The following SPACA1 variants were observed in gnomAD, a reference collection of about 807,000 sequenced individuals.
SPACA1 encodes sperm acrosome associated 1.
Under a neutral mutation model 32.6 loss-of-function variants are expected in SPACA1, and 17 were observed. The ratio of observed to expected loss-of-function variants is 0.52; its 90% CI spans 0.36 to 0.78. SPACA1 has a LOEUF of 0.78. SPACA1 is among the 30% of genes least tolerant of loss of function. The pLI, the probability that SPACA1 is intolerant of heterozygous loss-of-function variation, is 0.01. For synonymous variants in SPACA1, 140 were observed against 138.1 expected (o/e 1.01, Z -0.10); for missense variants, 363 against 373.4 (o/e 0.97, Z 0.23).
At chr6:88,051,193 A>G (rs1458644355) in intron 1 of SPACA1, among the ~76,000 whole-genome samples, 1 of 152,096 alleles carries the variant, frequency 6.6e-6, no homozygotes, top group Non-Finnish European at 1.5e-5. Flanking sequence ...CTTTTGTTAT[A>G]CCTTGTATAC....
At chr6:88,050,375 AATC>A (rs1274565685) in intron 1 of SPACA1, among the ~76,000 whole-genome samples, 1 of 152,240 alleles carries the variant, frequency 6.6e-6, no homozygotes, top group Non-Finnish European at 1.5e-5. Flanking sequence ...CATCCAAGAT[AATC>A]ATCATCTCTC....
intron 6 of SPACA1, 98 bp downstream of exon 6, chr6:88,064,317 T>G: frequency 2.4e-6 from 3 of 1,267,840 alleles, no homozygotes; most frequent in Non-Finnish European, 2.1e-6. Flanking sequence ...TGATGTCTCC[T>G]ACATGTTGCC....
Position 88,053,944 on chromosome 6 carries a change from A to T in SPACA1, c.209-2A>T. 6.2e-7 allele frequency: 1 copy of T among 1,612,530 alleles called. No homozygotes were observed. Among genetic ancestry groups the T allele is most frequent in the Non-Finnish European group, 8.5e-7 (1 of 1,178,912 alleles). ...TAATGTATCTTTACCCTTTATGTTT[A>T]GTTTCAAATAGGAATGTCGTCAAAG... is the stretch of plus-strand genomic sequence containing the variant. On this transcript the variant is annotated splice_acceptor_variant, in intron 1 of 6. Coordinates refer to ENST00000237201, the MANE Select transcript of SPACA1 (RefSeq NM_030960.3). LOFTEE classifies it high-confidence loss of function.
intron 2 of SPACA1, among the ~76,000 whole-genome samples, chr6:88,056,362 A>AT (rs1198992901): frequency 6.6e-6 from 1 of 151,690 alleles, no homozygotes; most frequent in Non-Finnish European, 1.5e-5. Flanking sequence ...TCAAAAAAAA[A>AT]CTTTGATAAA....
At chr6:88,065,673 A>G (rs1775972078) in intron 6 of SPACA1, among the ~76,000 whole-genome samples, 1 of 151,152 alleles carries the variant, frequency 6.6e-6, no homozygotes, top group African/African-American at 2.4e-5. Flanking sequence ...TTTCCAAAAG[A>G]ATTATTTTTT....
chr6:88,062,838 A>G (rs1013458845), intron 5 of SPACA1, among the ~76,000 whole-genome samples: 2 of 152,198 alleles, frequency 1.3e-5, no homozygotes, highest in African/African-American at 4.8e-5. Context: ...AATGAGCTTC[A>G]ATTCCTTTCT....
At chr6:88,056,787 C>G (rs73494271) in intron 2 of SPACA1, among the ~76,000 whole-genome samples, 59 of 152,220 alleles carry the variant, frequency 3.9e-4, no homozygotes, top group African/African-American at 1.4e-3. Flanking sequence ...TAGCTAATCC[C>G]ATGTTTTGTT....
rs767321835 is a variant in SPACA1 at position 88,048,107 on chromosome 6, G to C, written c.202G>C (p.Glu68Gln). ...GGAGAACTACGCTCCGCCTGAAACC[G>C]AGGATGGTGAGGGCGGGAGCTCCCT... ...TAENYAPPETEDVSNRNVVKE... is the reference protein window; with the variant it reads ...TAENYAPPETQDVSNRNVVKE... The change falls in exon 1 of 7, where the codon GAG becomes CAG. Residue 68 changes from glutamate to glutamine, a missense_variant. Physicochemically the swap from Glu to Gln is conservative, Grantham distance 29 (BLOSUM62 2). Coordinates refer to ENST00000237201, the MANE Select transcript of SPACA1 (RefSeq NM_030960.3). The C allele has an allele frequency of 6.3e-7, 1 of 1,587,840 alleles. No individual in the cohort carries two copies. The highest frequency in any genetic ancestry group is 1.2e-5 in the South Asian group (1 of 86,612).
upstream of SPACA1, among the ~76,000 whole-genome samples, chr6:88,047,525 G>A (rs1467295007): frequency 2.0e-5 from 3 of 152,224 alleles, no homozygotes; most frequent in Non-Finnish European, 4.4e-5. Flanking sequence ...CAGGCAGGGT[G>A]AGCGAGGAGG....
At chr6:88,061,158 T>C (rs1775891387) in intron 5 of SPACA1, among the ~76,000 whole-genome samples, 1 of 152,312 alleles carries the variant, frequency 6.6e-6, no homozygotes, top group South Asian at 2.1e-4. Context: ...AAATATGTAA[T>C]TGAGATATTT....
chr6:88,066,422 A>C lies in SPACA1; in HGVS notation c.*87A>C. Reference sequence around the variant, plus strand: ...AATAAAATACACATTGAAATACTTTAATAATGTTGCGATGGATTGCCACAG... The same window carrying C: ...AATAAAATACACATTGAAATACTTTCATAATGTTGCGATGGATTGCCACAG... On this transcript the variant is annotated 3_prime_UTR_variant, in exon 7 of 7. Transcript: ENST00000237201. 3 of 1,290,036 alleles carry C rather than the reference A, an allele frequency of 2.3e-6. No homozygotes were observed. Among genetic ancestry groups the C allele is most frequent in the Non-Finnish European group, 3.1e-6 (3 of 965,470 alleles). The allele number at this position is 1,290,036 out of a possible 1,614,324, so 79.9% of individuals were successfully genotyped here.
chr6:88,049,202 T>C (rs1194244911), intron 1 of SPACA1, among the ~76,000 whole-genome samples: 1 of 152,234 alleles, frequency 6.6e-6, no homozygotes, highest in Non-Finnish European at 1.5e-5. Context: ...TCCTAAAGCA[T>C]AGTAGCTATT....
chr6:88,060,195 C>T (rs547263561), intron 5 of SPACA1, among the ~76,000 whole-genome samples: 5 of 152,248 alleles, frequency 3.3e-5, no homozygotes, highest in Admixed American at 2.6e-4. Context: ...TGAGATAGAT[C>T]CATTTGCCTA....
chr6:88,066,407 A>G lies in SPACA1; in HGVS notation c.*72A>G, dbSNP rs922064765. ...ATTCATTATTACAAAAATAAAATAC[A>G]CATTGAAATACTTTAATAATGTTGC... On this transcript the variant is annotated 3_prime_UTR_variant, in exon 7 of 7. Transcript: ENST00000237201. The G allele has an allele frequency of 1.5e-6, 2 of 1,349,540 alleles. No homozygotes were observed. The highest frequency in any genetic ancestry group is 2.3e-5 in the Admixed American group (1 of 43,974). 83.6% of individuals were successfully genotyped at this position (1,349,540 alleles called of 1,614,324 possible).
In SPACA1 at chr6:88,048,022, C is replaced by T. The variant is rs148871108; in HGVS notation, c.117C>T (p.Ala39=). 5 of 1,597,470 alleles carry T rather than the reference C, an allele frequency of 3.1e-6. No homozygotes were observed. Among genetic ancestry groups the T allele is most frequent in the Non-Finnish European group, 4.3e-6 (5 of 1,173,962 alleles). Residue 39 remains alanine, a synonymous_variant, in exon 1 of 7, where the codon GCC becomes GCT. Transcript: ENST00000237201. ...ACGTCACCGCTGCCGTCCAGGATGCCGGCCTGGCCCACGAAGGCGAGGGCG... is the reference window on the plus strand; with the variant it reads ...ACGTCACCGCTGCCGTCCAGGATGCTGGCCTGGCCCACGAAGGCGAGGGCG... ...GTNVTAAVQD[A]GLAHEGEGEE... is the part of the protein sequence containing the mutation.
intron 5 of SPACA1, among the ~76,000 whole-genome samples, chr6:88,060,556 T>G (rs780973994): frequency 1.6e-4 from 25 of 152,218 alleles, no homozygotes; most frequent in Non-Finnish European, 3.4e-4. Context: ...AAAAATAAAC[T>G]ACTATTTAAA....
At position 88,059,452 on chromosome 6, in the gene SPACA1, G is replaced by T. The variant is rs975471254; in HGVS notation, c.475-1G>T. 7 of 1,589,860 alleles carry T rather than the reference G, an allele frequency of 4.4e-6. No homozygotes were observed. The highest frequency in any genetic ancestry group is 8.5e-7 in the Non-Finnish European group (1 of 1,170,764). ...TTTGTTATTTTTTTCTTTTTAAATA[G>T]CAATCCATTATACTTGTAAATGATT... On this transcript the variant is annotated splice_acceptor_variant, in intron 4 of 6. Transcript: ENST00000237201. LOFTEE classifies it high-confidence loss of function.
intron 1 of SPACA1, among the ~76,000 whole-genome samples, chr6:88,050,482 AT>A (rs1217797624): frequency 6.6e-6 from 1 of 152,214 alleles, no homozygotes; most frequent in Non-Finnish European, 1.5e-5. Flanking sequence ...TCGTTCAATA[AT>A]TGTGAAATGT....
chr6:88,062,907 T>C (rs1056516581), intron 5 of SPACA1, among the ~76,000 whole-genome samples: 2 of 152,270 alleles, frequency 1.3e-5, no homozygotes, highest in Middle Eastern at 3.4e-3. Context: ...GCTAAACCCA[T>C]AAAGTTTTAG....
Sources: allele counts gnomAD v4.1 joint callset (sites outside exome capture counted in the v4.1 genomes callset), GRCh38; gene constraint gnomAD v4.1.1; transcripts MANE v1.5; gene names NCBI Gene and HGNC (gene_info 2026-07-23, HGNC 2026-07-21).